Variants in ZMAT4 observed in about 807,000 individuals in gnomAD.
ZMAT4 encodes zinc finger matrin-type protein 4.
A neutral mutation model predicts 28.7 loss-of-function variants in ZMAT4; 17 were observed. The ratio of observed to expected loss-of-function variants is 0.59; its 90% CI spans 0.41 to 0.89. The LOEUF (loss-of-function observed/expected upper bound fraction) is 0.89. ZMAT4 is among the 40% of genes least tolerant of loss of function. The probability of loss-of-function intolerance (pLI) is 0.00; values close to 1 mark genes in which losing one functional copy is unlikely to be tolerated. For synonymous variants in ZMAT4, 117 were observed against 109.2 expected, an observed-to-expected ratio of 1.07 and a Z score of -0.44; for missense variants, 240 against 283.8, an observed-to-expected ratio of 0.85 and a Z score of 1.11.
At chr8:40,698,549 T>C (rs191856929) in intron 3 of ZMAT4, among the ~76,000 whole-genome samples, 123 of 152,336 alleles carry the variant, frequency 8.1e-4, no homozygotes, top group African/African-American at 2.8e-3. Context: ...TTATTCCTAG[T>C]GAGCCCAGAC....
At chr8:40,609,937 G>C (rs1177630834) in intron 5 of ZMAT4, among the ~76,000 whole-genome samples, 1 of 152,162 alleles carries the variant, frequency 6.6e-6, no homozygotes, top group Non-Finnish European at 1.5e-5. Flanking sequence ...ACCAGATTCA[G>C]GTCTCAGCCC....
chr8:40,677,046 C>G (rs1405279574), intron 4 of ZMAT4, among the ~76,000 whole-genome samples: 5 of 152,110 alleles, frequency 3.3e-5, no homozygotes, highest in Admixed American at 1.3e-4. Flanking sequence ...GAAAACATAT[C>G]AAATGTCTAC....
intron 6 of ZMAT4, among the ~76,000 whole-genome samples, chr8:40,544,495 C>G (rs960410387): frequency 1.1e-4 from 16 of 152,208 alleles, no homozygotes; most frequent in African/African-American, 3.9e-4. Flanking sequence ...CTCAATGGAA[C>G]AGTCGGACGA....
intron 6 of ZMAT4, among the ~76,000 whole-genome samples, chr8:40,534,135 T>C (rs1468671749): frequency 6.6e-6 from 1 of 152,188 alleles, no homozygotes; most frequent in Non-Finnish European, 1.5e-5. Context: ...AATCCCATAA[T>C]GAGGAAAAAT....
At chr8:40,575,938 G>A (rs1354180446) in intron 6 of ZMAT4, among the ~76,000 whole-genome samples, 1 of 152,016 alleles carries the variant, frequency 6.6e-6, no homozygotes, top group Non-Finnish European at 1.5e-5. Flanking sequence ...TTATCAGAAT[G>A]AGAAATTCAA....
chr8:40,688,832 G>A lies in ZMAT4; in HGVS notation c.349+8413C>T, dbSNP rs138431828. 5.7e-3 allele frequency among the ~76,000 whole-genome samples: 861 copies of A among 152,294 alleles called. 10 individuals carry two copies. The highest frequency in any genetic ancestry group is 0.02 in the African/African-American group (813 of 41,560). On this transcript the variant is annotated intron_variant, in intron 4 of 6. Transcript: ENST00000297737. ...ATAGGCTCACTTCATTAAAATGAGA[G>A]GAAATTTTGCATTCCATTCCAAAAA...
chr8:40,784,668 C>T (rs897126343), intron 2 of ZMAT4, among the ~76,000 whole-genome samples: 2 of 152,166 alleles, frequency 1.3e-5, no homozygotes, highest in Admixed American at 1.3e-4. Flanking sequence ...CCTTAAAACT[C>T]AGAGTTCCAT....
At chr8:40,775,688 G>A (rs564658811) in intron 2 of ZMAT4, among the ~76,000 whole-genome samples, 1 of 152,324 alleles carries the variant, frequency 6.6e-6, no homozygotes, top group South Asian at 2.1e-4. Flanking sequence ...CAGATATGCA[G>A]GCTTCTGTGG....
chr8:40,690,834 GA>G, intron 4 of ZMAT4: 1 of 910,334 alleles, frequency 1.1e-6, no homozygotes. Context: ...AGGAAAAAAA[GA>G]AGAGAACCAA....
At chr8:40,793,006 G>A (rs375555825) in intron 2 of ZMAT4, among the ~76,000 whole-genome samples, 23 of 151,932 alleles carry the variant, frequency 1.5e-4, no homozygotes, top group African/African-American at 5.3e-4. Flanking sequence ...TGCTCTGTAT[G>A]ATACTGTGAT....
chr8:40,550,848 A>G (rs1024318538), intron 6 of ZMAT4, among the ~76,000 whole-genome samples: 1 of 152,168 alleles, frequency 6.6e-6, no homozygotes, highest in African/African-American at 2.4e-5. Flanking sequence ...GCAGCATGAG[A>G]ACAGACTAAT....
intron 1 of ZMAT4, among the ~76,000 whole-genome samples, chr8:40,833,360 G>T (rs1586136667): frequency 1.3e-5 from 2 of 152,006 alleles, no homozygotes; most frequent in African/African-American, 4.8e-5. Context: ...ATGAGGTCAG[G>T]AGTTCGAGAC....
At chr8:40,848,972 C>G (rs1327305654) in intron 1 of ZMAT4, among the ~76,000 whole-genome samples, 1 of 152,258 alleles carries the variant, frequency 6.6e-6, no homozygotes, top group Non-Finnish European at 1.5e-5. Context: ...AGGAGCTCTC[C>G]AAGGTCCCCT....
chr8:40,785,832 T>C (rs548614866), intron 2 of ZMAT4, among the ~76,000 whole-genome samples: 2 of 152,320 alleles, frequency 1.3e-5, no homozygotes, highest in African/African-American at 4.8e-5. Context: ...CCTCCCACCA[T>C]CTGCTCTTAG....
At chr8:40,642,552 A>G (rs1807084867) in intron 5 of ZMAT4, among the ~76,000 whole-genome samples, 1 of 152,194 alleles carries the variant, frequency 6.6e-6, no homozygotes, top group Admixed American at 6.5e-5. Context: ...TCTATCTAGT[A>G]CCAAGGTAAA....
intron 2 of ZMAT4, among the ~76,000 whole-genome samples, chr8:40,804,481 C>T (rs890107940): frequency 1.3e-5 from 2 of 152,256 alleles, no homozygotes; most frequent in Non-Finnish European, 2.9e-5. Context: ...ATCTAATGAT[C>T]ATCTTCATAA....
intron 5 of ZMAT4, among the ~76,000 whole-genome samples, chr8:40,604,582 G>T (rs1805515391): frequency 6.6e-6 from 1 of 152,132 alleles, no homozygotes; most frequent in South Asian, 2.1e-4. Flanking sequence ...ACTTGATCAT[G>T]GTGGATAATT....
chr8:40,748,432 C>T (rs778112035), intron 3 of ZMAT4, among the ~76,000 whole-genome samples: 1 of 152,138 alleles, frequency 6.6e-6, no homozygotes, highest in Non-Finnish European at 1.5e-5. Context: ...CTGAATAACA[C>T]CACCCATAAG....
At chr8:40,570,531 T>C (rs1279998224) in intron 6 of ZMAT4, among the ~76,000 whole-genome samples, 1 of 152,014 alleles carries the variant, frequency 6.6e-6, no homozygotes, top group East Asian at 1.9e-4. Flanking sequence ...AAACCCCGTC[T>C]CTACTAAAAA....
Sources: allele counts gnomAD v4.1 joint callset (sites outside exome capture counted in the v4.1 genomes callset), GRCh38; gene constraint gnomAD v4.1.1; transcripts MANE v1.5; gene names NCBI Gene and HGNC (gene_info 2026-07-23, HGNC 2026-07-21).